ZNF333: variants seen among roughly 807,000 people sequenced by gnomAD.
ZNF333 encodes the protein zinc finger protein 333.
Under a neutral mutation model 76.1 loss-of-function variants are expected in ZNF333, and 61 were observed. That is an observed-to-expected ratio of 0.80 (90% CI 0.65 to 0.99). ZNF333 has a LOEUF of 0.99. Among genes scored for constraint, ZNF333 ranks in the 50% least tolerant of loss-of-function variants. The pLI, the probability that ZNF333 is intolerant of heterozygous loss-of-function variation, is 0.00. For missense variants in ZNF333, 717 were observed against 822.4 expected, an observed-to-expected ratio of 0.87 and a Z score of 1.57; for synonymous variants, 284 against 305.0, an observed-to-expected ratio of 0.93 and a Z score of 0.72.
chr19:14,705,306 G>C (rs1455462318), intron 6 of ZNF333, 136 bp downstream of exon 6: 2 of 718,050 alleles, frequency 2.8e-6, no homozygotes, highest in Non-Finnish European at 4.6e-6. Context: ...CTGTGGGCTT[G>C]GGGTGGTGGA....
exon 12 of ZNF333, chr19:14,731,378 G>A: frequency 3.3e-6 from 2 of 605,542 alleles, no homozygotes; most frequent in South Asian, 2.1e-5. Flanking sequence ...TCCGGCTTCC[G>A]GGAGCTTAGT....
intron 1 of ZNF333, among the ~76,000 whole-genome samples, chr19:14,690,508 G>A (rs1315315154): frequency 6.6e-6 from 1 of 152,196 alleles, no homozygotes; most frequent in Non-Finnish European, 1.5e-5. Context: ...CCTACAGTAT[G>A]CAAGATAACT....
At chr19:14,701,214 C>T (rs1318993348) in intron 5 of ZNF333, among the ~76,000 whole-genome samples, 1 of 152,164 alleles carries the variant, frequency 6.6e-6, no homozygotes, top group African/African-American at 2.4e-5. Flanking sequence ...CGGTAAGCCT[C>T]ATTACAGAAC....
At chr19:14,724,235 AG>A (rs572416725), downstream of ZNF333, among the ~76,000 whole-genome samples, 55 of 152,346 alleles carry the variant, frequency 3.6e-4, no homozygotes, top group Non-Finnish European at 6.6e-4. Flanking sequence ...GATCAGAATG[AG>A]AAGAGCTAGG....
At position 14,696,028 on chromosome 19, in the gene ZNF333, G is replaced by A. The variant is rs568054469; in HGVS notation, c.223+367G>A. Among the ~76,000 whole-genome samples, 42 of 152,152 alleles carry A rather than the reference G, an allele frequency of 2.8e-4. No homozygotes were observed. The South Asian group carries it at 6.6e-3, about 24-fold the overall frequency. On this transcript the variant is annotated intron_variant, in intron 4 of 11. Coordinates refer to ENST00000292530, the MANE Select transcript of ZNF333 (RefSeq NM_032433.4). ...ACCCCATCTCTACCAAAAATTAGCC[G>A]GATGTGATGGTGCACACCTGTAATC...
At chr19:14,725,723 G>A (rs913342642), downstream of ZNF333, among the ~76,000 whole-genome samples, 4 of 152,334 alleles carry the variant, frequency 2.6e-5, no homozygotes, top group East Asian at 1.9e-4. Context: ...CATGTCCTGC[G>A]TCAAGACACA....
intron 11 of ZNF333, among the ~76,000 whole-genome samples, chr19:14,730,251 C>T (rs1469482840): frequency 1.3e-5 from 2 of 152,106 alleles, no homozygotes; most frequent in Non-Finnish European, 2.9e-5. Context: ...GATGGGGTTT[C>T]ACCATGTTGG....
chr19:14,690,499 C>T (rs1193259120), intron 1 of ZNF333, among the ~76,000 whole-genome samples: 2 of 152,230 alleles, frequency 1.3e-5, no homozygotes, highest in East Asian at 3.9e-4. Context: ...CCTACCTTGC[C>T]TACAGTATGC....
rs541201548 is a variant in ZNF333, at chr19:14,715,213, G to A, written c.512-169G>A. 608 of 592,402 alleles carry A rather than the reference G, an allele frequency of 1.0e-3. 1 individual carries two copies. Among genetic ancestry groups the A allele is most frequent in the African/African-American group, 3.3e-3 (179 of 53,886 alleles). The allele number at this position is 592,402 out of a possible 1,614,324, so 36.7% of individuals were successfully genotyped here. Reference sequence around the variant, plus strand: ...TGTGTGCATGTGATTGCATGCATGCGTGTGCAAGAGCTTGCAGATATGTGT... The same window carrying A: ...TGTGTGCATGTGATTGCATGCATGCATGTGCAAGAGCTTGCAGATATGTGT... On this transcript the variant is annotated intron_variant, in intron 7 of 11. Transcript: ENST00000292530.
intron 7 of ZNF333, among the ~76,000 whole-genome samples, chr19:14,714,335 C>T (rs1007709126): frequency 6.6e-6 from 1 of 152,036 alleles, no homozygotes; most frequent in African/African-American, 2.4e-5. Context: ...AAGAGGAAGA[C>T]GCCACGTGAA....
chr19:14,731,072 A>G (rs2042667110), intron 11 of ZNF333: 1 of 987,336 alleles, frequency 1.0e-6, no homozygotes, highest in African/African-American at 1.6e-5. Flanking sequence ...CCCTGGTCTC[A>G]AGCACCGCCC....
intron 1 of ZNF333, 35 bp from the exon 2 acceptor site, chr19:14,693,416 C>T: frequency 6.5e-7 from 1 of 1,545,324 alleles, no homozygotes; most frequent in South Asian, 1.2e-5. Context: ...TCCGTCCTCA[C>T]CCCTTCTTTT....
intron 5 of ZNF333, among the ~76,000 whole-genome samples, chr19:14,703,831 C>T (rs1257237650): frequency 6.6e-6 from 1 of 152,070 alleles, no homozygotes; most frequent in African/African-American, 2.4e-5. Flanking sequence ...GGCTGTGGGT[C>T]ACGGGATTTG....
In ZNF333 at chr19:14,716,116, C is replaced by T; in HGVS notation, c.605C>T (p.Pro202Leu). The T allele has an allele frequency of 6.2e-7, 1 of 1,614,084 alleles. No individual in the cohort carries two copies. The highest frequency in any genetic ancestry group is 8.5e-7 in the Non-Finnish European group (1 of 1,179,994). The change falls in exon 9 of 12, where the codon CCA becomes CTA. Residue 202 changes from proline (P) to leucine (L), a missense_variant. Coordinates refer to ENST00000292530, the MANE Select transcript of ZNF333 (RefSeq NM_032433.4). Reference sequence around the variant, plus strand: ...CGGGATGGATGTGTGTTTTAGGAACCAGTCACCTTTGCAGATGTGGCTGTG... The same window carrying T: ...CGGGATGGATGTGTGTTTTAGGAACTAGTCACCTTTGCAGATGTGGCTGTG... ...PGLPTACSQEPVTFADVAVVF... is the reference protein window; with the variant it reads ...PGLPTACSQELVTFADVAVVF...
rs186239248 is a variant in ZNF333 at position 14,696,100 on chromosome 19, G to A, written c.223+439G>A. On this transcript the variant is annotated intron_variant, in intron 4 of 11. Coordinates refer to ENST00000292530, the MANE Select transcript of ZNF333 (RefSeq NM_032433.4). ...GCATGAGAATTGCTTGAACCTGGGAGGTAGAAGTTGCAGTGAGCCAAGATT... is the reference window on the plus strand; with the variant it reads ...GCATGAGAATTGCTTGAACCTGGGAAGTAGAAGTTGCAGTGAGCCAAGATT... Among the ~76,000 whole-genome samples the A allele has an allele frequency of 4.8e-4, 73 of 152,300 alleles. 2 individuals carry two copies. In the South Asian group the frequency reaches 0.012, roughly 26 times the overall value.
At chr19:14,729,266 C>A (rs1447345938) in intron 11 of ZNF333, among the ~76,000 whole-genome samples, 1 of 152,176 alleles carries the variant, frequency 6.6e-6, no homozygotes, top group Non-Finnish European at 1.5e-5. Context: ...GCTGTAGGAA[C>A]TGCCCTATGC....
At chr19:14,712,373 C>G (rs1333131861) in intron 7 of ZNF333, among the ~76,000 whole-genome samples, 1 of 152,004 alleles carries the variant, frequency 6.6e-6, no homozygotes, top group Non-Finnish European at 1.5e-5. Context: ...ATGTGTGCCA[C>G]CACGCCCAGC....
intron 7 of ZNF333, chr19:14,715,042 T>C (rs76423679): frequency 9.7e-5 from 2 of 20,540 alleles, no homozygotes; most frequent in Non-Finnish European, 7.0e-5. Flanking sequence ...GGCGTGCGTG[T>C]GTGTGTGTGT....
intron 7 of ZNF333, among the ~76,000 whole-genome samples, chr19:14,710,496 T>C (rs916264616): frequency 1.3e-5 from 2 of 152,186 alleles, no homozygotes; most frequent in African/African-American, 4.8e-5. Flanking sequence ...GCAAAGGGGG[T>C]GCCAGGTGTG....
Sources: gnomAD v4.1 joint callset for allele counts (sites outside exome capture counted in the v4.1 genomes callset) on GRCh38, gnomAD v4.1.1 for gene constraint, MANE v1.5 for transcripts, NCBI Gene and HGNC (gene_info 2026-07-23, HGNC 2026-07-21) for gene names.